The following PIK3C2G variants were observed in gnomAD, a reference collection of about 807,000 sequenced individuals.
PIK3C2G encodes the protein phosphatidylinositol 3-kinase C2 domain-containing subunit gamma.
Under a neutral mutation model 181.1 loss-of-function variants are expected in PIK3C2G, and 168 were observed. The ratio of observed to expected loss-of-function variants is 0.93; its 90% confidence interval spans 0.82 to 1.05. The LOEUF (loss-of-function observed/expected upper bound fraction) is 1.05, where lower values mean the gene tolerates loss of function less well. Ranked by LOEUF, PIK3C2G falls within the 50% of genes least tolerant of loss-of-function variation. The pLI is 0.00. For missense variants in PIK3C2G, 1,869 were observed against 1,732.8 expected, an observed-to-expected ratio of 1.08 and a Z score of -1.40; for synonymous variants, 573 against 592.2, an observed-to-expected ratio of 0.97 and a Z score of 0.47.
At chr12:18,397,205 T>TC (rs1378110992) in intron 15 of PIK3C2G, among the ~76,000 whole-genome samples, 1 of 149,062 alleles carries the variant, frequency 6.7e-6, no homozygotes, top group Non-Finnish European at 1.5e-5. Flanking sequence ...AATACTGCTT[T>TC]CAGAATACTT....
chr12:18,596,788 GT>G (rs1351936593), intron 30 of PIK3C2G, among the ~76,000 whole-genome samples: 1 of 152,072 alleles, frequency 6.6e-6, no homozygotes, highest in Non-Finnish European at 1.5e-5. Context: ...CTAGTTAATG[GT>G]CTAGCTACTC....
At chr12:18,344,822 G>A (rs987651416) in intron 10 of PIK3C2G, among the ~76,000 whole-genome samples, 2 of 152,012 alleles carry the variant, frequency 1.3e-5, no homozygotes, top group African/African-American at 4.8e-5. Flanking sequence ...TCACCACCAA[G>A]CCCTGTGTCT....
chr12:18,452,158 C>T (rs1947399709), intron 18 of PIK3C2G, among the ~76,000 whole-genome samples: 1 of 152,230 alleles, frequency 6.6e-6, no homozygotes, highest in South Asian at 2.1e-4. Context: ...ACCAGCTCCT[C>T]TTTGTACCTC....
the PIK3C2G span, among the ~76,000 whole-genome samples, chr12:18,704,691 G>T: frequency 6.6e-6 from 1 of 152,084 alleles, no homozygotes; most frequent in Admixed American, 6.6e-5. Flanking sequence ...AGATGTGGAC[G>T]TGATTTTTCA....
At chr12:18,538,832 C>G (rs957257951) in intron 25 of PIK3C2G, among the ~76,000 whole-genome samples, 1 of 151,748 alleles carries the variant, frequency 6.6e-6, no homozygotes, top group Non-Finnish European at 1.5e-5. Context: ...ATTAGGTGTA[C>G]TGAGTCATGG....
intron 1 of PIK3C2G, among the ~76,000 whole-genome samples, chr12:18,265,890 T>C (rs1565532827): frequency 6.6e-6 from 1 of 151,602 alleles, no homozygotes. Flanking sequence ...GGCAGGCGCC[T>C]GTAATCCCAG....
intron 5 of PIK3C2G, among the ~76,000 whole-genome samples, chr12:18,313,755 T>C (rs1308808503): frequency 6.6e-6 from 1 of 152,056 alleles, no homozygotes; most frequent in East Asian, 1.9e-4. Context: ...TATCTATATT[T>C]CCTGTCATAT....
chr12:18,433,939 A>G (rs1592248880), intron 18 of PIK3C2G, among the ~76,000 whole-genome samples: 1 of 152,176 alleles, frequency 6.6e-6, no homozygotes, highest in Non-Finnish European at 1.5e-5. Flanking sequence ...CAGCTCATTG[A>G]TGGGACTTAC....
intron 18 of PIK3C2G, among the ~76,000 whole-genome samples, chr12:18,438,926 T>C (rs937878962): frequency 6.6e-6 from 1 of 151,886 alleles, no homozygotes; most frequent in Non-Finnish European, 1.5e-5. Flanking sequence ...ATTTATACCT[T>C]CAAGAATATG....
chr12:18,640,364 T>C (rs1427915914), intron 31 of PIK3C2G, 65 bp from the exon 32 acceptor site: 3 of 1,383,052 alleles, frequency 2.2e-6, no homozygotes, highest in Non-Finnish European at 3.0e-6. Context: ...GGATATTTAG[T>C]AGCTCTGTAT....
At chr12:18,533,948 T>C (rs1044611564) in intron 24 of PIK3C2G, among the ~76,000 whole-genome samples, 194 of 137,264 alleles carry the variant, frequency 1.4e-3, no homozygotes, top group South Asian at 5.2e-3. Context: ...TTTCTTTTTT[T>C]TTTTTTTTTT....
intron 18 of PIK3C2G, among the ~76,000 whole-genome samples, chr12:18,452,403 G>C (rs113197947): frequency 6.6e-6 from 1 of 151,934 alleles, no homozygotes; most frequent in Non-Finnish European, 1.5e-5. Context: ...ACTTCTGTGG[G>C]ATCAGTGGTG....
At chr12:18,394,911 A>T (rs549781312) in intron 15 of PIK3C2G, among the ~76,000 whole-genome samples, 5 of 151,906 alleles carry the variant, frequency 3.3e-5, no homozygotes, top group African/African-American at 1.2e-4. Context: ...AATTTGATTT[A>T]AAAAAAATTA....
At chr12:18,686,600 A>G in the PIK3C2G span, among the ~76,000 whole-genome samples, 1 of 151,960 alleles carries the variant, frequency 6.6e-6, no homozygotes, top group South Asian at 2.1e-4. Context: ...CTTGTCCCCA[A>G]TCTCTAAAAA....
chr12:18,470,771 T>C (rs1326519885), intron 18 of PIK3C2G, among the ~76,000 whole-genome samples: 3 of 152,122 alleles, frequency 2.0e-5, no homozygotes, highest in Non-Finnish European at 4.4e-5. Flanking sequence ...CCCATGTTCA[T>C]GTCAGTGGTT....
intron 11 of PIK3C2G, among the ~76,000 whole-genome samples, chr12:18,362,185 C>G (rs182595024): frequency 6.6e-6 from 1 of 152,092 alleles, no homozygotes; most frequent in Admixed American, 6.5e-5. Context: ...TGGAGAGAGG[C>G]AATAGCAAGT....
intron 18 of PIK3C2G, among the ~76,000 whole-genome samples, chr12:18,455,699 T>C (rs576577655): frequency 7.9e-4 from 121 of 152,216 alleles, no homozygotes; most frequent in Non-Finnish European, 1.6e-3. Context: ...TTTTCTCACA[T>C]GGCCAAAGGG....
intron 29 of PIK3C2G, among the ~76,000 whole-genome samples, chr12:18,591,353 T>G (rs920084283): frequency 6.6e-6 from 1 of 151,946 alleles, no homozygotes; most frequent in African/African-American, 2.4e-5. Flanking sequence ...AGTTTGTTTC[T>G]GTTAACTAGT....
At chr12:18,662,756 G>A in the PIK3C2G span, among the ~76,000 whole-genome samples, 2 of 152,066 alleles carry the variant, frequency 1.3e-5, no homozygotes, top group Non-Finnish European at 2.9e-5. Flanking sequence ...ATATGTTACT[G>A]AAGTTAAGCT....
Sources: allele counts gnomAD v4.1 joint callset (sites outside exome capture counted in the v4.1 genomes callset), GRCh38; gene constraint gnomAD v4.1.1; transcripts MANE v1.5; gene names NCBI Gene and HGNC (gene_info 2026-07-23, HGNC 2026-07-21).